The following FBN2 variants were observed in gnomAD, a reference collection of about 807,000 sequenced individuals.
The protein encoded by FBN2 is fibrillin 2.
A neutral mutation model predicts 355.6 loss-of-function variants in FBN2; 105 were observed. The ratio of observed to expected loss-of-function variants is 0.30; its 90% CI spans 0.25 to 0.35. FBN2 has a LOEUF of 0.35. Among genes scored for constraint, FBN2 ranks in the 10% least tolerant of loss-of-function variants. The pLI is 1.00. For missense variants in FBN2, 3,280 were observed against 3,758.7 expected (o/e 0.87, Z 3.33); for synonymous variants, 1,350 against 1,301.2 (o/e 1.04, Z -0.81).
chr5:128,434,632 C>T (rs932161204), intron 7 of FBN2, among the ~76,000 whole-genome samples: 1 of 151,404 alleles, frequency 6.6e-6, no homozygotes, highest in African/African-American at 2.4e-5. Context: ...CTGTCCCTCT[C>T]CTTCTTTCTT....
At chr5:128,381,303 T>C (rs1002145581) in intron 11 of FBN2, among the ~76,000 whole-genome samples, 4 of 152,100 alleles carry the variant, frequency 2.6e-5, no homozygotes, top group Admixed American at 2.6e-4. Flanking sequence ...GCAATTCTCA[T>C]AATAGCAAAA....
Position 128,465,527 on chromosome 5 carries a change from G to C in FBN2, c.629-606C>G, listed in dbSNP as rs141385746. 7.9e-5 allele frequency among the ~76,000 whole-genome samples: 12 copies of C among 152,242 alleles called. No individual in the cohort carries two copies. The East Asian group carries it at 2.3e-3, about 29-fold the overall frequency. ...CCTTCCATATCACACATATATTTGG[G>C]CAATCTAAACTGCCTGTAAATATTC... On this transcript the variant is annotated intron_variant, in intron 5 of 64. Transcript: ENST00000262464.
chr5:128,425,467 A>C (rs984356326), intron 7 of FBN2, among the ~76,000 whole-genome samples: 2 of 152,210 alleles, frequency 1.3e-5, no homozygotes, highest in Non-Finnish European at 2.9e-5. Context: ...AAGAATTTAG[A>C]ATTTGGAATG....
At chr5:128,319,430 A>C (rs1225164572) in intron 34 of FBN2, among the ~76,000 whole-genome samples, 2 of 62,596 alleles carry the variant, frequency 3.2e-5, no homozygotes, top group African/African-American at 9.1e-5. Flanking sequence ...AAAAACAAAT[A>C]CATAATCATT....
intron 5 of FBN2, among the ~76,000 whole-genome samples, chr5:128,466,823 A>G (rs895626971): frequency 2.6e-5 from 4 of 152,168 alleles, no homozygotes; most frequent in Non-Finnish European, 5.9e-5. Flanking sequence ...CAACCTTATA[A>G]ACAAACACAC....
chr5:128,468,718 C>T lies in FBN2; in HGVS notation c.629-3797G>A, dbSNP rs558339843. The stretch of plus-strand genomic sequence containing the variant: ...GGAATTTTGCTGTAATTTCACAAGT[C>T]CTTTTTACACAATTAGAGATGATAA... On this transcript the variant is annotated intron_variant, in intron 5 of 64. Transcript: ENST00000262464. Among the ~76,000 whole-genome samples the T allele has an allele frequency of 1.6e-3, 240 of 152,202 alleles. 1 individual carries two copies. Among genetic ancestry groups the T allele is most frequent in the Middle Eastern group, 0.01 (3 of 294 alleles).
In FBN2 at chr5:128,338,069, T is replaced by C; in HGVS notation, c.3526A>G (p.Asn1176Asp). The change falls in exon 27 of 65, where the codon AAC becomes GAC. Residue 1176 changes from asparagine to aspartate, a missense_variant. Asn to Asp is a conservative substitution (Grantham distance 23). Coordinates refer to ENST00000262464, the MANE Select transcript of FBN2 (RefSeq NM_001999.4). ...PLLCRGGTCV[N>D]TEGSFQCDCP... is the part of the protein sequence containing the mutation. ...TCACACTGAAAGCTGCCCTCAGTGT[T>C]CACACAGGTGCCACCCCTACAAAGG... is the stretch of plus-strand genomic sequence containing the variant. 1 of 1,614,022 alleles carries C rather than the reference T, an allele frequency of 6.2e-7. No individual in the cohort carries two copies. The highest frequency in any genetic ancestry group is 8.5e-7 in the Non-Finnish European group (1 of 1,179,896).
chr5:128,379,680 GA>G (rs1237904209), intron 11 of FBN2, among the ~76,000 whole-genome samples: 1 of 152,028 alleles, frequency 6.6e-6, no homozygotes, highest in Non-Finnish European at 1.5e-5. Flanking sequence ...ATGACAGACT[GA>G]ACAGTCTGGA....
intron 5 of FBN2, among the ~76,000 whole-genome samples, chr5:128,498,250 A>T (rs1337068178): frequency 6.6e-6 from 1 of 152,224 alleles, no homozygotes; most frequent in African/African-American, 2.4e-5. Context: ...GGGCTTATGC[A>T]AAATCTCATA....
intron 5 of FBN2, among the ~76,000 whole-genome samples, chr5:128,468,229 C>T (rs1754766334): frequency 6.6e-6 from 1 of 152,122 alleles, no homozygotes; most frequent in Non-Finnish European, 1.5e-5. Context: ...TTTCACCTAG[C>T]ATAATGTTCA....
At chr5:128,305,259 A>G (rs1749836724) in intron 44 of FBN2, among the ~76,000 whole-genome samples, 177 bp from the exon 45 acceptor site, 1 of 152,126 alleles carries the variant, frequency 6.6e-6, no homozygotes, top group Non-Finnish European at 1.5e-5. Context: ...TCTTTTTTTA[A>G]TCATGCAAAT....
At chr5:128,359,876 C>CTG (rs1751594354) in intron 19 of FBN2, among the ~76,000 whole-genome samples, 1 of 151,792 alleles carries the variant, frequency 6.6e-6, no homozygotes, top group Non-Finnish European at 1.5e-5. Flanking sequence ...CCTTTGTACT[C>CTG]TGTTACTTGT....
In FBN2 at chr5:128,274,043, G is replaced by A. The variant is rs1173150114; in HGVS notation, c.7712-75C>T. The A allele has an allele frequency of 7.7e-6, 12 of 1,554,498 alleles. No homozygotes were observed. In the Admixed American group the frequency reaches 1.5e-4, roughly 20 times the overall value. On this transcript the variant is annotated intron_variant, in intron 60 of 64. Transcript: ENST00000262464. ...TCTTACGTTTCATGGGAAGTAAAAA[G>A]CAATGTATGAAAACCTAAGTTTCAT...
chr5:128,281,770 C>T (rs1476788376), intron 55 of FBN2, among the ~76,000 whole-genome samples: 1 of 152,196 alleles, frequency 6.6e-6, no homozygotes, highest in East Asian at 1.9e-4. Context: ...ATTGCAAGCT[C>T]TGCCTCCTGG....
chr5:128,335,076 AC>A, intron 30 of FBN2, 93 bp downstream of exon 30: 1 of 1,551,466 alleles, frequency 6.4e-7, no homozygotes, highest in Admixed American at 1.7e-5. Flanking sequence ...TAAAATAACA[AC>A]AGAAAAAGCC....
intron 56 of FBN2, among the ~76,000 whole-genome samples, chr5:128,279,165 T>A (rs909816225): frequency 6.6e-6 from 1 of 152,214 alleles, no homozygotes; most frequent in Non-Finnish European, 1.5e-5. Flanking sequence ...ATTATTTTCC[T>A]TTAAACAAAT....
intron 18 of FBN2, among the ~76,000 whole-genome samples, chr5:128,362,429 A>G (rs961476420): frequency 2.5e-4 from 38 of 152,214 alleles, no homozygotes; most frequent in African/African-American, 8.7e-4. Context: ...AGAGAATATC[A>G]TCTAAAACTC....
intron 7 of FBN2, chr5:128,442,333 C>T (rs1227856392): frequency 4.4e-6 from 2 of 456,642 alleles, no homozygotes; most frequent in Non-Finnish European, 8.8e-6. Flanking sequence ...GAGGATCACG[C>T]AAGGACATCT....
intron 34 of FBN2, chr5:128,328,203 G>A: frequency 4.8e-6 from 1 of 206,192 alleles, no homozygotes; most frequent in Non-Finnish European, 9.9e-6. Context: ...TTAGAATAAG[G>A]AACCACTAGT....
Sources: gnomAD v4.1 joint callset for allele counts (sites outside exome capture counted in the v4.1 genomes callset) on GRCh38, gnomAD v4.1.1 for gene constraint, MANE v1.5 for transcripts, NCBI Gene and HGNC (gene_info 2026-07-23, HGNC 2026-07-21) for gene names.